PLAC9: variants seen among roughly 807,000 people sequenced by gnomAD.
PLAC9 encodes the protein placenta associated 9, also known as placenta-specific protein 9.
PLAC9 carries 12 observed loss-of-function variants against 11.5 expected under a neutral mutation model. The ratio of observed to expected loss-of-function variants is 1.05; its 90% CI spans 0.67 to 1.69. The LOEUF is 1.69. Among genes scored for constraint, PLAC9 ranks in the 40% most tolerant of loss-of-function variants. The pLI is 0.00. For synonymous variants in PLAC9, 62 were observed against 58.1 expected (o/e 1.07, Z -0.31); for missense variants, 132 against 130.5 (o/e 1.01, Z -0.06).
intron 1 of PLAC9, among the ~76,000 whole-genome samples, chr10:80,137,640 T>G (rs1227784071): frequency 6.6e-6 from 1 of 151,978 alleles, no homozygotes; most frequent in Non-Finnish European, 1.5e-5. Context: ...CCAGACTGGG[T>G]GCGGTTGTTC....
At chr10:80,139,222 G>T (rs1364379406) in intron 1 of PLAC9, among the ~76,000 whole-genome samples, 1 of 152,144 alleles carries the variant, frequency 6.6e-6, no homozygotes, top group East Asian at 1.9e-4. Flanking sequence ...AAAGTGCTGG[G>T]ATTACAGGCG....
intron 2 of PLAC9, 126 bp downstream of exon 2, chr10:80,142,305 T>C (rs1773320382): frequency 1.4e-6 from 1 of 692,734 alleles, no homozygotes; most frequent in Non-Finnish European, 2.3e-6. Flanking sequence ...TGTGGCCACC[T>C]CGTCCAACAT....
chr10:80,134,846 T>C (rs1010152096), intron 1 of PLAC9, among the ~76,000 whole-genome samples: 1 of 38,288 alleles, frequency 2.6e-5, no homozygotes, highest in Non-Finnish European at 9.0e-5. Context: ...TTTTACTTAA[T>C]TTTTTGTTTT....
At chr10:80,132,670 G>C (rs1564586809), upstream of PLAC9, 1 of 1,114,984 alleles carries the variant, frequency 9.0e-7, no homozygotes, top group East Asian at 3.2e-5. Context: ...ATTTTGGCTC[G>C]AACTGAGTGC....
chr10:80,139,844 C>T (rs563129247), intron 1 of PLAC9, among the ~76,000 whole-genome samples: 1 of 152,202 alleles, frequency 6.6e-6, no homozygotes, highest in South Asian at 2.1e-4. Context: ...CCCACTCGGC[C>T]TCCCAAAGTG....
At chr10:80,140,410 AG>A (rs1845026427) in intron 1 of PLAC9, among the ~76,000 whole-genome samples, 1 of 152,168 alleles carries the variant, frequency 6.6e-6, no homozygotes, top group Admixed American at 6.5e-5. Flanking sequence ...GAAATTTAGC[AG>A]GGCCTTTCTG....
At chr10:80,140,634 G>A (rs1726436031) in intron 1 of PLAC9, among the ~76,000 whole-genome samples, 1 of 152,100 alleles carries the variant, frequency 6.6e-6, no homozygotes, top group African/African-American at 2.4e-5. Context: ...CCCAAGCTCG[G>A]CATCAGGGCT....
At chr10:80,134,474 G>C (rs1055766140) in intron 1 of PLAC9, among the ~76,000 whole-genome samples, 7 of 152,094 alleles carry the variant, frequency 4.6e-5, no homozygotes, top group African/African-American at 1.7e-4. Context: ...ATGTTGGCCA[G>C]GCTGGTCTCG....
intron 1 of PLAC9, among the ~76,000 whole-genome samples, chr10:80,138,025 G>A (rs1844999349): frequency 6.6e-6 from 1 of 152,140 alleles, no homozygotes; most frequent in Non-Finnish European, 1.5e-5. Flanking sequence ...AGCCCCCAGG[G>A]GCCTCTCTCT....
intron 1 of PLAC9, among the ~76,000 whole-genome samples, chr10:80,133,830 G>C (rs930621723): frequency 2.6e-4 from 40 of 151,816 alleles, no homozygotes; most frequent in African/African-American, 9.7e-4. Flanking sequence ...TGTAGTCCCA[G>C]CTACTCGGCA....
chr10:80,132,417 C>T (rs2257029), upstream of PLAC9, among the ~76,000 whole-genome samples: 70,733 of 152,084 alleles, frequency 0.47, 18,736 homozygotes, highest in Non-Finnish European at 0.59. Context: ...TAACAAACCC[C>T]TGACCCCAGG....
Position 80,144,933 on chromosome 10 carries a change from G to T in PLAC9, c.*23G>T, listed in dbSNP as rs1342255988. The stretch of plus-strand genomic sequence containing the variant: ...TGAGCCCTGGAGCTGGAGCCCAGCA[G>T]TTGGAGGTGGTGCACCTGCCAGGCA... On this transcript the variant is annotated 3_prime_UTR_variant, in exon 4 of 4. Coordinates refer to ENST00000372263, the MANE Select transcript of PLAC9 (RefSeq NM_001012973.3). The T allele has an allele frequency of 6.4e-7, 1 of 1,569,936 alleles. No individual in the cohort carries two copies. The highest frequency in any genetic ancestry group is 1.3e-5 in the African/African-American group (1 of 74,410).
At chr10:80,142,474 G>A (rs574152027) in intron 2 of PLAC9, among the ~76,000 whole-genome samples, 2 of 152,268 alleles carry the variant, frequency 1.3e-5, no homozygotes, top group African/African-American at 2.4e-5. Context: ...CCTAACTTGT[G>A]TGGGGAAAAG....
chr10:80,136,451 C>G (rs575728505), intron 1 of PLAC9, among the ~76,000 whole-genome samples: 4 of 152,044 alleles, frequency 2.6e-5, no homozygotes, highest in Non-Finnish European at 4.4e-5. Flanking sequence ...GGTGCATGTG[C>G]GTGTCTACTA....
At chr10:80,139,090 T>A (rs1845010443) in intron 1 of PLAC9, among the ~76,000 whole-genome samples, 1 of 151,722 alleles carries the variant, frequency 6.6e-6, no homozygotes, top group African/African-American at 2.4e-5. Context: ...TAGCTGGGAC[T>A]ACAGGTGCCC....
chr10:80,142,047 A>C, intron 1 of PLAC9, 35 bp from the exon 2 acceptor site: 1 of 1,558,998 alleles, frequency 6.4e-7, no homozygotes, highest in Non-Finnish European at 8.8e-7. Flanking sequence ...TGGAAAACTA[A>C]GGGTCCCACA....
Position 80,133,957 on chromosome 10 carries a change from A to AAAG in PLAC9, c.64+1138_64+1140dup, listed in dbSNP as rs1309094406. Among the ~76,000 whole-genome samples, 241 of 151,730 alleles carry AAAG rather than the reference A, an allele frequency of 1.6e-3. 2 individuals carry two copies. The highest frequency in any genetic ancestry group is 4.9e-3 in the African/African-American group (202 of 41,402). ...AGACTCAGTTTCAAAAAAAAAAAAAAAAGAAGAAGGAAAGGAGGAAAGTAT... is the reference window on the plus strand; with the variant it reads ...AGACTCAGTTTCAAAAAAAAAAAAAAAAGAAGAAGAAGGAAAGGAGGAAAGTAT... On this transcript the variant is annotated intron_variant, in intron 1 of 3. Coordinates refer to ENST00000372263, the MANE Select transcript of PLAC9 (RefSeq NM_001012973.3).
At chr10:80,141,517 T>G (rs1804756322) in intron 1 of PLAC9, among the ~76,000 whole-genome samples, 1 of 152,150 alleles carries the variant, frequency 6.6e-6, no homozygotes, top group African/African-American at 2.4e-5. Flanking sequence ...GAGAATCGCT[T>G]GAACCCAGGA....
Position 80,144,320 on chromosome 10 carries a change from G to C in PLAC9, c.260G>C (p.Ser87Thr). The C allele has an allele frequency of 6.2e-7, 1 of 1,609,744 alleles. No homozygotes were observed. The highest frequency in any genetic ancestry group is 8.5e-7 in the Non-Finnish European group (1 of 1,179,708). The change falls in exon 3 of 4, where the codon AGC becomes ACC. Residue 87 changes from serine (S) to threonine (T), a missense_variant. Coordinates refer to ENST00000372263, the MANE Select transcript of PLAC9 (RefSeq NM_001012973.3). The stretch of plus-strand genomic sequence containing the variant: ...TGGAACCTGCCCCCGGGACCCTTCA[G>C]CCCCGCTCCCGACCTTCTCGGAGGT... ...LAWNLPPGPF[S>T]PAPDLLGDGF
Sources: gnomAD v4.1 joint callset for allele counts (sites outside exome capture counted in the v4.1 genomes callset) on GRCh38, gnomAD v4.1.1 for gene constraint, MANE v1.5 for transcripts, NCBI Gene and HGNC (gene_info 2026-07-23, HGNC 2026-07-21) for gene names.